The following SAFB variants were observed in gnomAD, a reference collection of about 807,000 sequenced individuals.
The protein encoded by SAFB is scaffold attachment factor B1.
A neutral mutation model predicts 101.6 loss-of-function variants in SAFB; 15 were observed. The observed-to-expected ratio is 0.15, with a 90% CI of 0.10 to 0.23. SAFB has a LOEUF of 0.23. SAFB is among the 10% of genes least tolerant of loss of function. SAFB has a pLI of 1.00. For missense variants in SAFB, 930 were observed against 1,104.1 expected (o/e 0.84, Z 2.23); for synonymous variants, 449 against 407.5 (o/e 1.10, Z -1.23).
chr19:5,640,887 C>T (rs1041684684), intron 2 of SAFB, among the ~76,000 whole-genome samples: 2 of 151,844 alleles, frequency 1.3e-5, no homozygotes, highest in African/African-American at 4.8e-5. Context: ...CCACCGTGCC[C>T]AGCCCCTCTG....
chr19:5,667,158 C>G lies in SAFB; in HGVS notation c.2447C>G (p.Pro816Arg). 2 of 1,587,218 alleles carry G rather than the reference C, an allele frequency of 1.3e-6. No homozygotes were observed. Among genetic ancestry groups the G allele is most frequent in the Non-Finnish European group, 1.7e-6 (2 of 1,158,178 alleles). Reference protein sequence around the residue: ...RMSEGRGLPPPPRGRRDWGDH... With the variant: ...RMSEGRGLPPRPRGRRDWGDH... ...AGCGAGGGCCGGGGGCTGCCTCCTC[C>G]CCCCAGGTTTGTGTCCCACACCCGA... The change falls in exon 18 of 21, where the codon CCC becomes CGC. Residue 816 changes from proline (P) to arginine (R), a missense_variant. Pro to Arg is a moderately radical substitution (Grantham distance 103). This residue lies in a region of SAFB where 318 missense variants were observed against 342.6 expected (regional missense o/e 0.93). Transcript: ENST00000588852. The surrounding 1 kb of genome is among the most constrained non-coding windows in gnomAD (Gnocchi z 4.0).
intron 2 of SAFB, among the ~76,000 whole-genome samples, chr19:5,632,621 T>C (rs969322195): frequency 3.9e-5 from 6 of 152,240 alleles, no homozygotes; most frequent in Admixed American, 3.9e-4. Flanking sequence ...CTTGAACACT[T>C]ACACTTATTT....
chr19:5,655,834 T>G (rs909531517), intron 13 of SAFB, among the ~76,000 whole-genome samples: 1 of 152,188 alleles, frequency 6.6e-6, no homozygotes, highest in Non-Finnish European at 1.5e-5. Context: ...CTCTTAACAA[T>G]GTCATTGGCA....
chr19:5,654,516 T>G, intron 13 of SAFB, 60 bp downstream of exon 13: 1 of 1,013,770 alleles, frequency 9.9e-7, no homozygotes, highest in South Asian at 1.3e-5. Flanking sequence ...TATTTCTGTG[T>G]GCGTCTTAGG....
intron 9 of SAFB, among the ~76,000 whole-genome samples, chr19:5,652,504 C>T (rs149145292): frequency 2.6e-5 from 4 of 152,310 alleles, no homozygotes; most frequent in East Asian, 3.9e-4. Flanking sequence ...TTACCAGCCT[C>T]GGCCACTGGC....
At chr19:5,646,740 T>C (rs1208965587) in intron 5 of SAFB, among the ~76,000 whole-genome samples, 1 of 152,194 alleles carries the variant, frequency 6.6e-6, no homozygotes, top group Admixed American at 6.5e-5. Context: ...ACCTACTTAT[T>C]GGGTATATGT....
chr19:5,658,960 C>G (rs746669928), intron 14 of SAFB, among the ~76,000 whole-genome samples: 1 of 152,104 alleles, frequency 6.6e-6, no homozygotes, highest in African/African-American at 2.4e-5. Context: ...GCCTGGCCAA[C>G]GTGGTGAAAC....
Position 5,646,266 on chromosome 19 carries a change from G to A in SAFB, c.609+867G>A, listed in dbSNP as rs535087447. ...TTGGAAAAGATCTCCATTTGCTTCTGCCATGCAAGGGCAAGGGAGATACTG... is the reference window on the plus strand; with the variant it reads ...TTGGAAAAGATCTCCATTTGCTTCTACCATGCAAGGGCAAGGGAGATACTG... On this transcript the variant is annotated intron_variant, in intron 5 of 20. Transcript: ENST00000588852. 3.9e-5 allele frequency among the ~76,000 whole-genome samples: 6 copies of A among 152,184 alleles called. No homozygotes were observed. The East Asian group carries it at 1.2e-3, about 29-fold the overall frequency.
intron 2 of SAFB, among the ~76,000 whole-genome samples, chr19:5,629,204 T>A (rs2053435974): frequency 6.6e-6 from 1 of 152,226 alleles, no homozygotes; most frequent in African/African-American, 2.4e-5. Context: ...GTATGTACAA[T>A]GTTTAAAAGT....
rs1346773947 is a variant in SAFB, at chr19:5,624,246, AAGAAGCAAAAAAGC to A, written c.189+854_189+867del. Among the ~76,000 whole-genome samples the A allele has an allele frequency of 2.0e-5, 3 of 148,242 alleles. No homozygotes were observed. The East Asian group carries it at 5.9e-4, about 29-fold the overall frequency. ...TTCTTTTTTTTTTTTTTTCTCCTGT[AAGAAGCAAAAAAGC>A]AATAGGACTTTGATTTGGGGATTAA... On this transcript the variant is annotated intron_variant, in intron 1 of 20. Transcript: ENST00000588852.
At position 5,634,793 on chromosome 19, in the gene SAFB, A is replaced by G. The variant is rs1214145942; in HGVS notation, c.275-6801A>G. ...AGATTCCCTTGCTGGTAGTTGCAGA[A>G]TAGCAAATTTTGAAATGACATAAGA... On this transcript the variant is annotated intron_variant, in intron 2 of 20. Transcript: ENST00000588852. 3.3e-5 allele frequency among the ~76,000 whole-genome samples: 5 copies of G among 152,158 alleles called. No homozygotes were observed. The South Asian group carries it at 6.2e-4, about 19-fold the overall frequency.
chr19:5,656,211 C>G (rs1216001995), intron 13 of SAFB, among the ~76,000 whole-genome samples: 2 of 152,106 alleles, frequency 1.3e-5, no homozygotes, highest in African/African-American at 4.8e-5. Context: ...CTGATTCTTC[C>G]TGTTCCCCTA....
chr19:5,640,159 G>A (rs1003511022), intron 2 of SAFB, among the ~76,000 whole-genome samples: 5 of 152,036 alleles, frequency 3.3e-5, no homozygotes, highest in East Asian at 1.9e-4. Context: ...GGCTGGAGCC[G>A]AAGTTTTTAA....
chr19:5,667,420 A>C lies in SAFB; in HGVS notation c.2527A>C (p.Met843Leu). ...RSWQGTADGG[M>L]MDRDHKRWQG... is the part of the protein sequence containing the mutation. ...ATGGCAGGGCACGGCCGACGGGGGC[A>C]TGATGGACAGGGATCACAAGAGGTG... Residue 843 changes from methionine to leucine, a missense_variant, in exon 19 of 21, where the codon ATG (methionine) becomes CTG (leucine). Met to Leu is a conservative substitution (Grantham distance 15). Around this residue, in one of 7 missense-constraint regions of SAFB, gnomAD observed 318 missense variants for 342.6 expected, o/e 0.93. Coordinates refer to ENST00000588852, the MANE Select transcript of SAFB (RefSeq NM_001201338.2). This position sits in a 1 kb window ranked among gnomAD's most constrained non-coding sequence, Gnocchi z 4.0. 1 of 1,519,430 alleles carries C rather than the reference A, an allele frequency of 6.6e-7. No individual in the cohort carries two copies. The highest frequency in any genetic ancestry group is 2.5e-5 in the East Asian group (1 of 40,686). The allele number at this position is 1,519,430 out of a possible 1,614,324, so 94.1% of individuals were successfully genotyped here.
rs1006344574 is a variant in SAFB, at chr19:5,654,577, G to A, written c.1755+121G>A. On this transcript the variant is annotated intron_variant, in intron 13 of 20. Transcript: ENST00000588852. ...AGCTTTTGTCGGCCGTTTCGAAAAT[G>A]TAGAAATCTCAAACTATTTTTTTTG... The A allele has an allele frequency of 4.1e-5, 30 of 731,240 alleles. No individual in the cohort carries two copies. The East Asian group carries it at 5.0e-4, about 12-fold the overall frequency. The allele number at this position is 731,240 out of a possible 1,614,324, so 45.3% of individuals were successfully genotyped here.
chr19:5,625,896 G>A (rs77703860), intron 1 of SAFB, among the ~76,000 whole-genome samples: 1,644 of 152,282 alleles, frequency 0.011, 22 homozygotes, highest in East Asian at 0.027. Flanking sequence ...ATCCCAGTCA[G>A]CGAGCATTAG....
Position 5,668,180 on chromosome 19 carries a change from A to G in SAFB, c.2643A>G (p.Pro881=). Reference sequence around the variant, plus strand: ...TTCCTAGGCGCGGCAGCTTTGCCCCAGGCGGGGCCTCCCGGGGCCACCCCA... The same window carrying G: ...TTCCTAGGCGCGGCAGCTTTGCCCCGGGCGGGGCCTCCCGGGGCCACCCCA... ...GGMSGRGSFA[P]GGASRGHPIP... Residue 881 remains proline, a synonymous_variant, in exon 21 of 21, where the codon CCA becomes CCG. Transcript: ENST00000588852. The G allele has an allele frequency of 1.2e-6, 2 of 1,605,794 alleles. No individual in the cohort carries two copies. The highest frequency in any genetic ancestry group is 2.2e-5 in the East Asian group (1 of 44,592).
chr19:5,649,083 C>G lies in SAFB; in HGVS notation c.732C>G (p.Asp244Glu), dbSNP rs2053882583. The G allele has an allele frequency of 2.6e-5, 12 of 462,376 alleles. No homozygotes were observed. In the East Asian group the frequency reaches 4.0e-4, roughly 16 times the overall value. The allele number at this position is 462,376 out of a possible 1,614,324, so 28.6% of individuals were successfully genotyped here. A position where few individuals can be genotyped will look rare whatever the true frequency, so the allele number is the denominator to read the frequency against. ...SSELEQPFAQ[D>E]TSSVGPDRKL... ...AGCTGGAGCAGCCATTTGCACAGGA[C>G]ACAAGTAGCGTGGGGCCAGACAGAA... is the stretch of plus-strand genomic sequence containing the variant. Residue 244 changes from aspartate (D) to glutamate (E), a missense_variant, in exon 7 of 21, where the codon GAC (aspartate) becomes GAG (glutamate). Coordinates refer to ENST00000588852, the MANE Select transcript of SAFB (RefSeq NM_001201338.2).
rs202238628 is a variant in SAFB at position 5,654,146 on chromosome 19, G to C, written c.1612G>C (p.Asp538His). The C allele has an allele frequency of 6.2e-7, 1 of 1,614,190 alleles. No individual in the cohort carries two copies. Among genetic ancestry groups the C allele is most frequent in the Admixed American group, 1.7e-5 (1 of 60,024 alleles). Reference sequence around the variant, plus strand: ...CGACGGAAGTGGAGAAAAGAGTAAGGACCAAGATGATCAGAAACCTGGCCC... The same window carrying C: ...CGACGGAAGTGGAGAAAAGAGTAAGCACCAAGATGATCAGAAACCTGGCCC... ...GDDGSGEKSK[D>H]QDDQKPGPSE... Residue 538 changes from aspartate to histidine, a missense_variant, in exon 12 of 21, where the codon GAC becomes CAC. Asp to His is a moderately conservative substitution (Grantham distance 81). Transcript: ENST00000588852.
Sources: gnomAD v4.1 joint callset for allele counts (sites outside exome capture counted in the v4.1 genomes callset) on GRCh38, gnomAD v4.1.1 for gene constraint, gnomAD v4.1.1 regional missense constraint, Gnocchi (gnomAD v3.1) non-coding constraint, MANE v1.5 for transcripts, NCBI Gene and HGNC (gene_info 2026-07-23, HGNC 2026-07-21) for gene names.